Variants in PHKA2 observed in about 807,000 individuals in gnomAD.
The protein encoded by PHKA2 is phosphorylase kinase regulatory subunit alpha 2.
PHKA2 carries 31 observed loss-of-function variants against 102.0 expected under a neutral mutation model. That is an observed-to-expected ratio of 0.30 (90% confidence interval 0.23 to 0.41). The LOEUF (loss-of-function observed/expected upper bound fraction) is 0.41. Ranked by LOEUF, PHKA2 falls within the 10% of genes least tolerant of loss-of-function variation. The pLI is 1.00. For missense variants in PHKA2, 858 were observed against 1,023.1 expected (o/e 0.84, Z 2.20); for synonymous variants, 455 against 416.2 (o/e 1.09, Z -1.13).
chrX:18,950,281 T>C (rs1168559246), intron 4 of PHKA2, among the ~76,000 whole-genome samples: 1 of 111,621 alleles, frequency 9.0e-6, no homozygotes, highest in Non-Finnish European at 1.9e-5. Flanking sequence ...TGAGGGTGTG[T>C]CTAGAAGAGG....
At chrX:18,941,441 A>T in intron 8 of PHKA2, 88 bp downstream of exon 8, 1 of 845,251 alleles carries the variant, frequency 1.2e-6, no homozygotes, top group South Asian at 2.0e-5. Flanking sequence ...TAAATCAAGC[A>T]ATTAACCTCA....
At chrX:18,920,948 G>A (rs1458771917) in intron 17 of PHKA2, among the ~76,000 whole-genome samples, 1 of 112,278 alleles carries the variant, frequency 8.9e-6, no homozygotes, top group Non-Finnish European at 1.9e-5. Flanking sequence ...TAGTTGAAAA[G>A]GCTGAGAAAC....
At chrX:18,953,584 A>T (rs1023558664) in intron 2 of PHKA2, among the ~76,000 whole-genome samples, 1 of 112,436 alleles carries the variant, frequency 8.9e-6, no homozygotes, top group Non-Finnish European at 1.9e-5. Context: ...GTGACTTTTA[A>T]AAAACATATC....
chrX:18,945,026 A>C, intron 6 of PHKA2, 52 bp downstream of exon 6: 1 of 801,540 alleles, frequency 1.2e-6, no homozygotes, highest in Non-Finnish European at 1.9e-6. Flanking sequence ...AAGGGAACCA[A>C]ATCAAAGCAG....
chrX:18,946,982 C>T (rs1235325620), intron 5 of PHKA2, among the ~76,000 whole-genome samples: 1 of 109,970 alleles, frequency 9.1e-6, no homozygotes, highest in Non-Finnish European at 1.9e-5. Flanking sequence ...AAAAATGTCT[C>T]CAGACATCGC....
chrX:18,919,959 A>T, intron 18 of PHKA2, 73 bp downstream of exon 18: 1 of 813,757 alleles, frequency 1.2e-6, no homozygotes, highest in South Asian at 2.0e-5. Flanking sequence ...TTTGAGTCTT[A>T]GGGCAATTTT....
intron 1 of PHKA2, among the ~76,000 whole-genome samples, chrX:18,973,364 T>C (rs184094015): frequency 1.4e-3 from 154 of 108,854 alleles, no homozygotes; most frequent in African/African-American, 5.1e-3. Flanking sequence ...CTTTTCTATA[T>C]CTATTGAGAT....
At chrX:18,923,904 C>T (rs745944555) in intron 17 of PHKA2, 152 bp downstream of exon 17, 6 of 504,902 alleles carry the variant, frequency 1.2e-5, no homozygotes, top group South Asian at 2.9e-5. Context: ...TTCACACGGG[C>T]GACTGGATTA....
At chrX:18,965,481 G>A (rs1379535468) in intron 1 of PHKA2, among the ~76,000 whole-genome samples, 1 of 111,246 alleles carries the variant, frequency 9.0e-6, no homozygotes, top group Non-Finnish European at 1.9e-5. Context: ...TCAGGTCGGG[G>A]TTTGGGTTTG....
At chrX:18,937,725 G>C (rs1026554480) in intron 10 of PHKA2, among the ~76,000 whole-genome samples, 7 of 111,841 alleles carry the variant, frequency 6.3e-5, no homozygotes, top group African/African-American at 1.6e-4. Flanking sequence ...GTGAAAGCAG[G>C]GATCAGATCA....
chrX:18,903,963 T>G (rs1383603829), intron 26 of PHKA2, among the ~76,000 whole-genome samples: 1 of 111,960 alleles, frequency 8.9e-6, no homozygotes, highest in East Asian at 2.8e-4. Flanking sequence ...CCCGGCCACC[T>G]GCACCGCACT....
rs200925279 is a variant in PHKA2, at chrX:18,897,150, C to A, written c.3282+13G>T. 8.3e-7 allele frequency: 1 copy of A among 1,210,088 alleles called. No individual in the cohort carries two copies. Among genetic ancestry groups the A allele is most frequent in the African/African-American group, 1.7e-5 (1 of 57,789 alleles). On this transcript the variant is annotated intron_variant, in intron 30 of 32. Transcript: ENST00000379942. ...GACGGTTCACTTCCCCAGGAGCTCG[C>A]GTCTCGGCTTACCTTCTGGAGGATC...
intron 8 of PHKA2, among the ~76,000 whole-genome samples, chrX:18,940,707 TG>T (rs1202039976): frequency 8.9e-6 from 1 of 111,884 alleles, no homozygotes; most frequent in East Asian, 2.8e-4. Flanking sequence ...ATGTGGAGGC[TG>T]CTACAGCAGA....
In PHKA2 at chrX:18,897,306, C is replaced by T. The variant is rs2147816844; in HGVS notation, c.3139G>A (p.Gly1047Ser). The change falls in exon 30 of 33, where the codon GGC becomes AGC. Residue 1047 changes from glycine to serine, a missense_variant. Around this residue, in one of 2 missense-constraint regions of PHKA2, gnomAD observed 671 missense variants for 745.2 expected, o/e 0.90. Coordinates refer to ENST00000379942, the MANE Select transcript of PHKA2 (RefSeq NM_000292.3). The stretch of plus-strand genomic sequence containing the variant: ...CCTCCCGAGTCTGAGGATGACGTGC[C>T]AGTGGGCGAGGATGGGGTGCTGGAC... ...ARSSTPSSPTGTSSSDSGGHH... is the reference protein window; with the variant it reads ...ARSSTPSSPTSTSSSDSGGHH... The T allele has an allele frequency of 8.3e-7, 1 of 1,208,445 alleles. No individual in the cohort carries two copies. The highest frequency in any genetic ancestry group is 3.0e-5 in the East Asian group (1 of 33,723).
At chrX:18,924,308 C>T (rs5955668) in intron 16 of PHKA2, 73 bp downstream of exon 16, 2 of 1,122,922 alleles carry the variant, frequency 1.8e-6, no homozygotes, top group African/African-American at 3.6e-5. Flanking sequence ...GCCATGGGAG[C>T]CATTTTAAAC....
intron 4 of PHKA2, among the ~76,000 whole-genome samples, chrX:18,950,301 G>A (rs2048658945): frequency 8.9e-6 from 1 of 112,218 alleles, no homozygotes; most frequent in Admixed American, 9.3e-5. Flanking sequence ...GGTGACCAGG[G>A]TAGTGAGTGG....
intron 13 of PHKA2, among the ~76,000 whole-genome samples, chrX:18,928,465 G>A (rs1292369058): frequency 1.8e-5 from 2 of 112,347 alleles, no homozygotes; most frequent in Non-Finnish European, 3.8e-5. Flanking sequence ...AATGATATAG[G>A]CCTTGTCATT....
At chrX:18,915,134 G>GT (rs2041372554) in intron 19 of PHKA2, 1 of 111,336 alleles carries the variant, frequency 9.0e-6, no homozygotes, top group African/African-American at 3.3e-5. Context: ...GAGGTCAGGA[G>GT]TTTGAGACCA....
In PHKA2 at chrX:18,947,111, G is replaced by C. The variant is rs142897382; in HGVS notation, c.537+1633C>G. On this transcript the variant is annotated intron_variant, in intron 5 of 32. Transcript: ENST00000379942. ...CTAGTTTCCCACCTATTTTTGCAAA[G>C]TCTATCTGGGACAGAGCCATGCTCA... 4.6e-3 allele frequency among the ~76,000 whole-genome samples: 511 copies of C among 111,970 alleles called. 4 individuals carry two copies. Among genetic ancestry groups the C allele is most frequent in the African/African-American group, 0.015 (458 of 30,794 alleles).
Sources: allele counts gnomAD v4.1 joint callset (sites outside exome capture counted in the v4.1 genomes callset), GRCh38; gene constraint gnomAD v4.1.1; regional missense constraint gnomAD v4.1.1; transcripts MANE v1.5; gene names NCBI Gene and HGNC (gene_info 2026-07-23, HGNC 2026-07-21).